KLF8: variants seen among roughly 807,000 people sequenced by gnomAD.
KLF8 encodes KLF transcription factor 8, also known as Krueppel-like factor 8.
KLF8 carries 10 observed loss-of-function variants against 18.2 expected under a neutral mutation model. The observed-to-expected ratio is 0.55, with a 90% CI of 0.34 to 0.93. The LOEUF is 0.93. Ranked by LOEUF, KLF8 falls within the 40% of genes least tolerant of loss-of-function variation. The pLI, the probability that KLF8 is intolerant of heterozygous loss-of-function variation, is 0.02. For missense variants in KLF8, 264 were observed against 277.9 expected (o/e 0.95, Z 0.36); for synonymous variants, 109 against 97.3 (o/e 1.12, Z -0.71).
the KLF8 span, among the ~76,000 whole-genome samples, chrX:56,093,905 ATGTGTGTGTGTGTGTGTGTGTGTG>A: frequency 9.0e-5 from 8 of 89,003 alleles, no homozygotes; most frequent in South Asian, 2.9e-3. Context: ...TATATATTAT[ATGTGTGTGTGTGTGTGTGTGTGTG>A]TGTGTGTGTG....
chrX:56,236,837 AATGAGT>A (rs1422650576), intron 1 of KLF8, among the ~76,000 whole-genome samples: 1 of 99,183 alleles, frequency 1.0e-5, no homozygotes, highest in Non-Finnish European at 1.9e-5. Flanking sequence ...TATATCAAGC[AATGAGT>A]ATGTTTGTGT....
At chrX:55,999,317 A>G in the KLF8 span, among the ~76,000 whole-genome samples, 1 of 30,878 alleles carries the variant, frequency 3.2e-5, no homozygotes, top group East Asian at 1.0e-3. Context: ...TGTTTTGACT[A>G]TCTGGGCTCT....
intron 5 of KLF8, among the ~76,000 whole-genome samples, chrX:56,273,661 A>G: frequency 8.9e-6 from 1 of 111,818 alleles, no homozygotes; most frequent in Middle Eastern, 4.7e-3. Flanking sequence ...AAATGATAGG[A>G]TCTCATTCTC....
rs1201925014 is a variant in KLF8 at position 56,289,748 on chromosome X, T to C, written c.*5254T>C. ...GCAGTATCTGAATTGTTAACCTGTA[T>C]ACCCATGGGAAACAACTTTATCAAC... On this transcript the variant is annotated 3_prime_UTR_variant, in exon 6 of 6. Transcript: ENST00000468660. Among the ~76,000 whole-genome samples the C allele has an allele frequency of 9.0e-6, 1 of 111,532 alleles. No homozygotes were observed. The highest frequency in any genetic ancestry group is 1.9e-5 in the Non-Finnish European group (1 of 53,147).
At position 56,287,508 on chromosome X, in the gene KLF8, A is replaced by G. The variant is rs1313619317; in HGVS notation, c.*3014A>G. Reference sequence around the variant, plus strand: ...CAACAGCAAAGCACCGTTAGCCTGGACAGTTGCTTATGGCATCGATAGGGT... The same window carrying G: ...CAACAGCAAAGCACCGTTAGCCTGGGCAGTTGCTTATGGCATCGATAGGGT... On this transcript the variant is annotated 3_prime_UTR_variant, in exon 6 of 6. Transcript: ENST00000468660. 8.9e-6 allele frequency: 1 copy of G among 112,184 alleles called. No homozygotes were observed. The highest frequency in any genetic ancestry group is 9.5e-5 in the Admixed American group (1 of 10,578). The allele number at this position is 112,184 out of a possible 1,213,427, so 9.2% of individuals were successfully genotyped here.
chrX:56,178,143 A>G, the KLF8 span, among the ~76,000 whole-genome samples: 2 of 111,953 alleles, frequency 1.8e-5, no homozygotes, highest in African/African-American at 6.5e-5. Flanking sequence ...AGTGAGGTGA[A>G]CCTGGTACCT....
chrX:56,089,794 AGTCT>A, the KLF8 span, among the ~76,000 whole-genome samples: 1 of 112,395 alleles, frequency 8.9e-6, no homozygotes, highest in Non-Finnish European at 1.9e-5. Context: ...GAAAATCACC[AGTCT>A]TATGTGGACC....
the KLF8 span, among the ~76,000 whole-genome samples, chrX:55,987,023 G>C: frequency 9.0e-6 from 1 of 110,768 alleles, no homozygotes; most frequent in Admixed American, 9.6e-5. Context: ...GTCCACCATT[G>C]ATGAGCATCT....
the KLF8 span, among the ~76,000 whole-genome samples, chrX:56,141,355 T>G: frequency 8.9e-6 from 1 of 111,992 alleles, no homozygotes; most frequent in Admixed American, 9.5e-5. Flanking sequence ...TTCATTTTTT[T>G]TGTGTGGGTA....
At chrX:55,927,343 T>G in the KLF8 span, among the ~76,000 whole-genome samples, 1 of 112,266 alleles carries the variant, frequency 8.9e-6, no homozygotes, top group African/African-American at 3.2e-5. Context: ...CTATCATGCA[T>G]AGTGCTGCGA....
chrX:56,054,154 C>G, the KLF8 span, among the ~76,000 whole-genome samples: 1 of 110,222 alleles, frequency 9.1e-6, no homozygotes, highest in Admixed American at 9.7e-5. Context: ...TATTTTGACA[C>G]GGAGTCTCTC....
the KLF8 span, among the ~76,000 whole-genome samples, chrX:56,171,775 A>G: frequency 8.9e-6 from 1 of 111,736 alleles, no homozygotes; most frequent in Non-Finnish European, 1.9e-5. Flanking sequence ...TCTATCATTG[A>G]TGGACATTTG....
chrX:56,094,123 ATT>A, the KLF8 span, among the ~76,000 whole-genome samples: 1 of 110,690 alleles, frequency 9.0e-6, no homozygotes, highest in African/African-American at 3.3e-5. Context: ...ATTAATAATC[ATT>A]TTATACATCA....
At chrX:56,076,929 T>TA in the KLF8 span, among the ~76,000 whole-genome samples, 4 of 112,419 alleles carry the variant, frequency 3.6e-5, no homozygotes, top group South Asian at 1.5e-3. Context: ...TTTGGCTGCA[T>TA]AAATGTCTTC....
the KLF8 span, among the ~76,000 whole-genome samples, chrX:56,097,027 T>C: frequency 2.8e-4 from 31 of 111,365 alleles, no homozygotes; most frequent in Admixed American, 2.5e-3. Flanking sequence ...TAAATATCTT[T>C]TGTGAACATA....
At chrX:55,936,999 T>A in the KLF8 span, among the ~76,000 whole-genome samples, 1 of 111,591 alleles carries the variant, frequency 9.0e-6, no homozygotes, top group African/African-American at 3.3e-5. Flanking sequence ...ACTTAAATGT[T>A]CCTGTCTGAC....
the KLF8 span, among the ~76,000 whole-genome samples, chrX:56,215,845 A>G: frequency 9.6e-5 from 6 of 62,405 alleles, no homozygotes; most frequent in East Asian, 6.4e-4. Flanking sequence ...AAAAAAAAAA[A>G]AAAAAAAAAA....
chrX:56,206,604 C>T, the KLF8 span, among the ~76,000 whole-genome samples: 1 of 112,666 alleles, frequency 8.9e-6, no homozygotes, highest in Non-Finnish European at 1.9e-5. Context: ...GGTGGACTCT[C>T]ATGGCCTTGG....
the KLF8 span, among the ~76,000 whole-genome samples, chrX:56,183,728 A>T: frequency 8.9e-6 from 1 of 112,379 alleles, no homozygotes; most frequent in Non-Finnish European, 1.9e-5. Flanking sequence ...ACAGGAAGAA[A>T]GGAAAGAAGG....
Sources: gnomAD v4.1 joint callset for allele counts (sites outside exome capture counted in the v4.1 genomes callset) on GRCh38, gnomAD v4.1.1 for gene constraint, MANE v1.5 for transcripts, NCBI Gene and HGNC (gene_info 2026-07-23, HGNC 2026-07-21) for gene names.